STIL: variants seen among roughly 807,000 people sequenced by gnomAD.
STIL encodes the protein SCL-interrupting locus protein.
In STIL, 55 loss-of-function variants were observed where a neutral mutation model predicts 110.1. That is an observed-to-expected ratio of 0.50 (90% confidence interval 0.40 to 0.63). STIL has a LOEUF of 0.63. STIL is among the 20% of genes least tolerant of loss of function. The probability of loss-of-function intolerance (pLI) is 0.00; values close to 1 mark genes in which losing one functional copy is unlikely to be tolerated. For missense variants in STIL, 1,358 were observed against 1,530.0 expected, an observed-to-expected ratio of 0.89 and a Z score of 1.87; for synonymous variants, 481 against 530.0, an observed-to-expected ratio of 0.91 and a Z score of 1.27.
At chr1:47,302,174 G>T in intron 4 of STIL, 60 bp downstream of exon 4, 1 of 1,253,674 alleles carries the variant, frequency 8.0e-7, no homozygotes, top group Non-Finnish European at 1.2e-6. Context: ...TCCCACTCCA[G>T]CCTCCCAACG....
Position 47,280,334 on chromosome 1 carries a change from C to T in STIL, c.2124G>A (p.Lys708=), listed in dbSNP as rs531502732. The T allele has an allele frequency of 6.2e-7, 1 of 1,614,232 alleles. No homozygotes were observed. Among genetic ancestry groups the T allele is most frequent in the South Asian group, 1.1e-5 (1 of 91,084 alleles). The change falls in exon 12 of 17, where the codon AAG becomes AAA. Residue 708 remains lysine (K), a synonymous_variant. Transcript: ENST00000371877. ...QPCTVCMHTP[K]TESDNGMMGL... ...CCATCATTCCATTATCTGACTCAGT[C>T]TTGGGTGTGTGCATGCACACTGTGC...
At chr1:47,268,381 G>A (rs1220716336) in intron 14 of STIL, among the ~76,000 whole-genome samples, 3 of 152,178 alleles carry the variant, frequency 2.0e-5, no homozygotes, top group African/African-American at 7.2e-5. Flanking sequence ...GGGAGGCAGA[G>A]GTTGCAGTGA....
chr1:47,256,528 G>C (rs1196931569), intron 16 of STIL, among the ~76,000 whole-genome samples: 1 of 149,266 alleles, frequency 6.7e-6, no homozygotes, highest in East Asian at 2.0e-4. Context: ...GGCGGAGGCA[G>C]AAGAATTGCT....
intron 16 of STIL, among the ~76,000 whole-genome samples, chr1:47,256,939 T>A (rs1406569115): frequency 6.6e-6 from 1 of 151,924 alleles, no homozygotes; most frequent in East Asian, 1.9e-4. Context: ...AAGGTTATGG[T>A]GAGCCCAGAT....
At chr1:47,307,402 A>G (rs1645993021) in intron 2 of STIL, among the ~76,000 whole-genome samples, 1 of 152,194 alleles carries the variant, frequency 6.6e-6, no homozygotes, top group African/African-American at 2.4e-5. Context: ...ATGGACATTT[A>G]TTAGTTCCCC....
upstream of STIL, among the ~76,000 whole-genome samples, chr1:47,314,355 G>A (rs1646226562): frequency 6.6e-6 from 1 of 152,260 alleles, no homozygotes; most frequent in Non-Finnish European, 1.5e-5. Context: ...CGCCACCGGC[G>A]CTCCAGGATC....
At chr1:47,273,266 T>C (rs1644892592) in intron 12 of STIL, among the ~76,000 whole-genome samples, 3 of 152,224 alleles carry the variant, frequency 2.0e-5, no homozygotes, top group African/African-American at 7.2e-5. Flanking sequence ...TCAGTGGTTT[T>C]TGGTATACTC....
intron 15 of STIL, among the ~76,000 whole-genome samples, chr1:47,261,245 G>A (rs146615935): frequency 9.1e-4 from 138 of 151,708 alleles, no homozygotes; most frequent in South Asian, 8.5e-3. Flanking sequence ...AAAATTAGCC[G>A]GGTGTGGTGG....
At chr1:47,252,409 A>G (rs1018006187) in intron 16 of STIL, among the ~76,000 whole-genome samples, 1 of 152,022 alleles carries the variant, frequency 6.6e-6, no homozygotes, top group Non-Finnish European at 1.5e-5. Flanking sequence ...AAGAAAAAAT[A>G]AAAAAAGGGA....
At chr1:47,272,729 T>C (rs1644878229) in intron 12 of STIL, among the ~76,000 whole-genome samples, 1 of 152,190 alleles carries the variant, frequency 6.6e-6, no homozygotes, top group Non-Finnish European at 1.5e-5. Context: ...TTAAAAGCAA[T>C]ACATAAAGGT....
chr1:47,282,266 A>G (rs1645174826), intron 11 of STIL, 79 bp downstream of exon 11: 2 of 842,544 alleles, frequency 2.4e-6, no homozygotes, highest in African/African-American at 3.3e-5. Flanking sequence ...GGTTTCAGGT[A>G]GTATTATTTA....
Position 47,304,886 on chromosome 1 carries a change from T to C in STIL, c.152+3A>G. On this transcript the variant is annotated splice_donor_region_variant and intron_variant, in intron 3 of 16. Transcript: ENST00000371877. Reference sequence around the variant, plus strand: ...TGATTTGAAAAAAAGAAACATGTTATACCTGTAGTAACTGAGATGTAAGTA... The same window carrying C: ...TGATTTGAAAAAAAGAAACATGTTACACCTGTAGTAACTGAGATGTAAGTA... 1 of 1,597,628 alleles carries C rather than the reference T, an allele frequency of 6.3e-7. No homozygotes were observed. The highest frequency in any genetic ancestry group is 1.3e-5 in the African/African-American group (1 of 74,716).
At chr1:47,261,764 T>C (rs1343044770) in intron 15 of STIL, among the ~76,000 whole-genome samples, 1 of 136,982 alleles carries the variant, frequency 7.3e-6, no homozygotes, top group Non-Finnish European at 1.6e-5. Flanking sequence ...AAAAAAAAAT[T>C]AGCCAGGCAT....
At chr1:47,302,433 A>G in intron 3 of STIL, 87 bp from the exon 4 acceptor site, 1 of 1,002,242 alleles carries the variant, frequency 1.0e-6, no homozygotes, top group Non-Finnish European at 1.6e-6. Context: ...AAATTATAAC[A>G]CACATTTTTA....
intron 7 of STIL, among the ~76,000 whole-genome samples, chr1:47,295,444 G>T (rs1324562284): frequency 1.3e-5 from 2 of 151,944 alleles, no homozygotes; most frequent in East Asian, 3.9e-4. Flanking sequence ...GCCAGGCATG[G>T]TGATGCACGC....
At chr1:47,270,836 A>C (rs1644814892) in intron 13 of STIL, among the ~76,000 whole-genome samples, 3 of 151,776 alleles carry the variant, frequency 2.0e-5, no homozygotes, top group African/African-American at 7.3e-5. Context: ...GCGCCACCAT[A>C]TGTGGCTAAT....
At chr1:47,285,281 C>T (rs1645265721) in intron 10 of STIL, among the ~76,000 whole-genome samples, 1 of 152,142 alleles carries the variant, frequency 6.6e-6, no homozygotes, top group African/African-American at 2.4e-5. Flanking sequence ...ATCCTCCCGC[C>T]TCAGCCTTCC....
chr1:47,279,545 A>G (rs1311259541), intron 12 of STIL, among the ~76,000 whole-genome samples: 1 of 152,004 alleles, frequency 6.6e-6, no homozygotes, highest in Admixed American at 6.6e-5. Flanking sequence ...GCTGGCCAAC[A>G]TGGCGAAACC....
intron 16 of STIL, among the ~76,000 whole-genome samples, chr1:47,259,308 C>CT (rs1470771578): frequency 7.8e-5 from 2 of 25,560 alleles, no homozygotes; most frequent in East Asian, 2.0e-3. Flanking sequence ...TTTTTTTTGA[C>CT]TGAGTCTTGC....
Sources: allele counts gnomAD v4.1 joint callset (sites outside exome capture counted in the v4.1 genomes callset), GRCh38; gene constraint gnomAD v4.1.1; transcripts MANE v1.5; gene names NCBI Gene and HGNC (gene_info 2026-07-23, HGNC 2026-07-21).